Variants in PDE3A observed in about 807,000 individuals in gnomAD.
PDE3A encodes the protein phosphodiesterase 3A.
In PDE3A, 43 loss-of-function variants were observed where a neutral mutation model predicts 98.3. The observed-to-expected ratio is 0.44, with a 90% confidence interval of 0.34 to 0.56. PDE3A has a LOEUF of 0.56. PDE3A is among the 20% of genes least tolerant of loss of function. PDE3A has a pLI of 0.01. For missense variants in PDE3A, 1,427 were observed against 1,440.7 expected (o/e 0.99, Z 0.15); for synonymous variants, 663 against 567.9 (o/e 1.17, Z -2.38).
chr12:20,369,165 G>A lies in PDE3A; in HGVS notation c.-120G>A. Reference sequence around the variant, plus strand: ...GCCTGGGGAGAAGAAGGATTCCGAGGGTGGAATTGGGAAGAGCGTGCGTGC... The same window carrying A: ...GCCTGGGGAGAAGAAGGATTCCGAGAGTGGAATTGGGAAGAGCGTGCGTGC... On this transcript the variant is annotated 5_prime_UTR_variant, in exon 1 of 16. Transcript: ENST00000359062. 1.5e-6 allele frequency: 1 copy of A among 647,338 alleles called. No individual in the cohort carries two copies. Among genetic ancestry groups the A allele is most frequent in the Admixed American group, 3.1e-5 (1 of 32,748 alleles). The allele number at this position is 647,338 out of a possible 1,614,324, so 40.1% of individuals were successfully genotyped here.
At chr12:20,387,973 G>T (rs910488051) in intron 1 of PDE3A, among the ~76,000 whole-genome samples, 1 of 151,842 alleles carries the variant, frequency 6.6e-6, no homozygotes, top group Non-Finnish European at 1.5e-5. Flanking sequence ...TTATTTTTAC[G>T]TACTTTTATA....
chr12:20,535,114 A>G (rs1329267154), intron 1 of PDE3A, among the ~76,000 whole-genome samples: 2 of 152,168 alleles, frequency 1.3e-5, no homozygotes, highest in Non-Finnish European at 1.5e-5. Flanking sequence ...AGACATGTTC[A>G]TATAATTCAT....
chr12:20,452,554 G>A (rs773531456), intron 1 of PDE3A, among the ~76,000 whole-genome samples: 6 of 152,170 alleles, frequency 3.9e-5, no homozygotes, highest in Non-Finnish European at 8.8e-5. Flanking sequence ...TGCTAGTTAC[G>A]CAGTTAATGG....
intron 1 of PDE3A, among the ~76,000 whole-genome samples, chr12:20,421,918 A>G (rs1944518756): frequency 6.6e-6 from 1 of 152,180 alleles, no homozygotes; most frequent in Non-Finnish European, 1.5e-5. Flanking sequence ...CTGTGTTGTA[A>G]CTGTGTTTTT....
intron 1 of PDE3A, among the ~76,000 whole-genome samples, chr12:20,468,015 A>G (rs1644593096): frequency 6.9e-6 from 1 of 144,406 alleles, no homozygotes; most frequent in Non-Finnish European, 1.5e-5. Flanking sequence ...TTCTTGAAAC[A>G]CTTATAAAAT....
At chr12:20,615,016 C>CTTTTTTT (rs11313010) in intron 3 of PDE3A, among the ~76,000 whole-genome samples, 49 of 59,038 alleles carry the variant, frequency 8.3e-4, no homozygotes, top group Non-Finnish European at 9.0e-4. Flanking sequence ...TTCTCTCTTT[C>CTTTTTTT]TTTTTTTTTT....
chr12:20,619,092 C>T (rs778554007), intron 4 of PDE3A, among the ~76,000 whole-genome samples: 17 of 151,914 alleles, frequency 1.1e-4, no homozygotes, highest in Non-Finnish European at 2.2e-4. Flanking sequence ...TAAAGGACAG[C>T]GATGAAAAGC....
chr12:20,599,444 G>A (rs1452140480), intron 2 of PDE3A, among the ~76,000 whole-genome samples: 2 of 151,990 alleles, frequency 1.3e-5, no homozygotes, highest in African/African-American at 2.4e-5. Context: ...TTTCATTCTC[G>A]TTTGTACTTC....
chr12:20,384,842 C>G (rs1026194721), intron 1 of PDE3A, among the ~76,000 whole-genome samples: 2 of 152,080 alleles, frequency 1.3e-5, no homozygotes, highest in African/African-American at 4.8e-5. Flanking sequence ...CCATCCGTGT[C>G]CCTGCAAAGG....
intron 1 of PDE3A, among the ~76,000 whole-genome samples, chr12:20,373,089 A>G (rs1943507357): frequency 6.6e-6 from 1 of 152,086 alleles, no homozygotes; most frequent in Non-Finnish European, 1.5e-5. Context: ...GGTGTCTGTG[A>G]ATGCAAGTGG....
Position 20,573,092 on chromosome 12 carries a change from G to A in PDE3A, c.1011+16382G>A, listed in dbSNP as rs77305359. Among the ~76,000 whole-genome samples, 46 of 151,946 alleles carry A rather than the reference G, an allele frequency of 3.0e-4. No homozygotes were observed. The East Asian group carries it at 7.7e-3, about 26-fold the overall frequency. On this transcript the variant is annotated intron_variant, in intron 2 of 15. Coordinates refer to ENST00000359062, the MANE Select transcript of PDE3A (RefSeq NM_000921.5). ...AACTGACTTTGATGGTAAGTTTTTC[G>A]TATTTTATAAGTAATTTTTCATTGC... is the stretch of plus-strand genomic sequence containing the variant.
intron 2 of PDE3A, among the ~76,000 whole-genome samples, chr12:20,585,813 A>T (rs1252744841): frequency 6.6e-6 from 1 of 152,012 alleles, no homozygotes; most frequent in South Asian, 2.1e-4. Flanking sequence ...ACTTTGGTTC[A>T]TGCCTTTTCC....
chr12:20,552,310 G>T lies in PDE3A; in HGVS notation c.961-4350G>T. 1.2e-6 allele frequency: 2 copies of T among 1,613,918 alleles called. No individual in the cohort carries two copies. The highest frequency in any genetic ancestry group is 1.1e-5 in the South Asian group (1 of 91,072). On this transcript the variant is annotated intron_variant, in intron 1 of 15. Coordinates refer to ENST00000359062, the MANE Select transcript of PDE3A (RefSeq NM_000921.5). This position sits in a 1 kb window ranked among gnomAD's most constrained non-coding sequence, Gnocchi z 5.1. ...CAACCGCTACGATGGCATCTACAAG[G>T]TTGTGAAATACTGGCCCGAGAAGGG...
intron 2 of PDE3A, among the ~76,000 whole-genome samples, chr12:20,598,332 A>G (rs1367302920): frequency 1.3e-5 from 2 of 151,980 alleles, no homozygotes; most frequent in Non-Finnish European, 2.9e-5. Context: ...ACAGGCTCCC[A>G]CCACCACGCC....
chr12:20,400,225 G>C (rs1377977745), intron 1 of PDE3A, among the ~76,000 whole-genome samples: 2 of 151,878 alleles, frequency 1.3e-5, no homozygotes, highest in East Asian at 3.9e-4. Context: ...TAAAAGTACG[G>C]AGCTGCTTGC....
chr12:20,386,120 T>A lies in PDE3A; in HGVS notation c.960+15876T>A, dbSNP rs868242548. 4.1e-4 allele frequency among the ~76,000 whole-genome samples: 31 copies of A among 76,162 alleles called. 6 individuals carry two copies. Among genetic ancestry groups the A allele is most frequent in the South Asian group, 1.6e-3 (5 of 3,142 alleles). 50.0% of individuals were successfully genotyped at this position (76,162 alleles called of 152,430 possible). On this transcript the variant is annotated intron_variant, in intron 1 of 15. Transcript: ENST00000359062. ...ATATAAATATATATATAAATATATA[T>A]AAATATATATAAATATATATAAATA...
Position 20,688,109 on chromosome 12 carries a change from A to C in PDE3A, c.*7838A>C, listed in dbSNP as rs754366797. On this transcript the variant is annotated 3_prime_UTR_variant, in exon 16 of 16. Coordinates refer to ENST00000359062, the MANE Select transcript of PDE3A (RefSeq NM_000921.5). ...ATGTCATTTGTACATGACAATTTTTAACAATGTAATTCTTACCACTCTCGA... is the reference window on the plus strand; with the variant it reads ...ATGTCATTTGTACATGACAATTTTTCACAATGTAATTCTTACCACTCTCGA... 1.3e-5 allele frequency among the ~76,000 whole-genome samples: 2 copies of C among 152,012 alleles called. No individual in the cohort carries two copies. The highest frequency in any genetic ancestry group is 6.6e-5 in the Admixed American group (1 of 15,236).
intron 1 of PDE3A, among the ~76,000 whole-genome samples, chr12:20,386,637 G>C (rs957272464): frequency 6.6e-6 from 1 of 151,920 alleles, no homozygotes; most frequent in East Asian, 1.9e-4. Flanking sequence ...ACTGCGCCTG[G>C]CCTTTTTCTT....
chr12:20,671,400 A>G (rs1212397130), intron 15 of PDE3A, among the ~76,000 whole-genome samples: 2 of 152,238 alleles, frequency 1.3e-5, no homozygotes, highest in South Asian at 2.1e-4. Flanking sequence ...CAACAAAAAA[A>G]GATAATTTTA....
Sources: gnomAD v4.1 joint callset for allele counts (sites outside exome capture counted in the v4.1 genomes callset) on GRCh38, gnomAD v4.1.1 for gene constraint, Gnocchi (gnomAD v3.1) non-coding constraint, MANE v1.5 for transcripts, NCBI Gene and HGNC (gene_info 2026-07-23, HGNC 2026-07-21) for gene names.